The following SORCS3 variants were observed in gnomAD, a reference collection of about 807,000 sequenced individuals.
The protein encoded by SORCS3 is sortilin related VPS10 domain containing receptor 3.
A neutral mutation model predicts 146.3 loss-of-function variants in SORCS3; 57 were observed. That is an observed-to-expected ratio of 0.39 (90% CI 0.31 to 0.49). The LOEUF (loss-of-function observed/expected upper bound fraction) is 0.49, where lower values mean the gene tolerates loss of function less well. Ranked by LOEUF, SORCS3 falls within the 20% of genes least tolerant of loss-of-function variation. The probability of loss-of-function intolerance (pLI) is 0.92; values close to 1 mark genes in which losing one functional copy is unlikely to be tolerated. For missense variants in SORCS3, 1,341 were observed against 1,575.5 expected, an observed-to-expected ratio of 0.85 and a Z score of 2.52; for synonymous variants, 653 against 618.5, an observed-to-expected ratio of 1.06 and a Z score of -0.83.
chr10:105,027,723 T>A (rs1471844577), intron 4 of SORCS3, among the ~76,000 whole-genome samples: 1 of 152,210 alleles, frequency 6.6e-6, no homozygotes, highest in Non-Finnish European at 1.5e-5. Flanking sequence ...ATGGTCTATT[T>A]TGTGCCACAT....
At chr10:104,918,754 G>T (rs1340826720) in intron 3 of SORCS3, among the ~76,000 whole-genome samples, 3 of 152,160 alleles carry the variant, frequency 2.0e-5, no homozygotes, top group Non-Finnish European at 4.4e-5. Context: ...GCAAGAACTG[G>T]ATATTTGGTG....
At chr10:104,810,403 T>A (rs2017727277) in intron 1 of SORCS3, among the ~76,000 whole-genome samples, 1 of 152,228 alleles carries the variant, frequency 6.6e-6, no homozygotes, top group Admixed American at 6.5e-5. Context: ...TTTAAACACT[T>A]GTTAATGGTA....
Position 104,977,501 on chromosome 10 carries a change from A to C in SORCS3, c.954+8A>C. The C allele has an allele frequency of 6.3e-7, 1 of 1,591,206 alleles. No homozygotes were observed. Among genetic ancestry groups the C allele is most frequent in the South Asian group, 1.1e-5 (1 of 88,512 alleles). The stretch of plus-strand genomic sequence containing the variant: ...TACAGTTTGGATCAAAAGGTGAATA[A>C]ATACTATTTTCATTTACTTCTTGTC... On this transcript the variant is annotated splice_region_variant and intron_variant, in intron 4 of 26. Coordinates refer to ENST00000369701, the MANE Select transcript of SORCS3 (RefSeq NM_014978.3).
intron 14 of SORCS3, among the ~76,000 whole-genome samples, chr10:105,197,298 A>G (rs982459313): frequency 1.3e-5 from 2 of 152,206 alleles, no homozygotes; most frequent in Non-Finnish European, 2.9e-5. Flanking sequence ...TTTAGGAACT[A>G]TGAACCCCTT....
At chr10:104,801,760 C>A (rs1425815195) in intron 1 of SORCS3, among the ~76,000 whole-genome samples, 2 of 152,110 alleles carry the variant, frequency 1.3e-5, no homozygotes, top group African/African-American at 4.8e-5. Flanking sequence ...AATTCTTACA[C>A]CAAAATCTTA....
chr10:105,133,894 G>C (rs982182852), intron 7 of SORCS3, among the ~76,000 whole-genome samples: 1 of 152,094 alleles, frequency 6.6e-6, no homozygotes, highest in African/African-American at 2.4e-5. Context: ...GCAGGTCAAG[G>C]CTTCAGTGAA....
chr10:104,675,120 T>C (rs2015898857), intron 1 of SORCS3, among the ~76,000 whole-genome samples: 2 of 152,256 alleles, frequency 1.3e-5, no homozygotes, highest in Admixed American at 1.3e-4. Flanking sequence ...TCCTTGCCAA[T>C]GCCTAATTTT....
At chr10:104,870,970 C>A (rs1438003486) in intron 2 of SORCS3, among the ~76,000 whole-genome samples, 2 of 152,154 alleles carry the variant, frequency 1.3e-5, no homozygotes. Context: ...TACAGCCACA[C>A]AAAGCACAGG....
chr10:104,868,847 T>C (rs556598491), intron 2 of SORCS3, among the ~76,000 whole-genome samples: 34 of 152,348 alleles, frequency 2.2e-4, no homozygotes, highest in African/African-American at 7.5e-4. Flanking sequence ...GAAAATATCA[T>C]ATACCCAGTC....
At chr10:105,062,140 G>C (rs921063614) in intron 5 of SORCS3, among the ~76,000 whole-genome samples, 1 of 152,142 alleles carries the variant, frequency 6.6e-6, no homozygotes, top group Admixed American at 6.5e-5. Context: ...TACATGAATA[G>C]CAATAACAAT....
At chr10:105,078,733 A>G (rs1456326380) in intron 5 of SORCS3, among the ~76,000 whole-genome samples, 1 of 152,176 alleles carries the variant, frequency 6.6e-6, no homozygotes, top group East Asian at 1.9e-4. Context: ...ACATTTAATC[A>G]ATTAGTTCTC....
chr10:104,915,936 A>G lies in SORCS3; in HGVS notation c.795+4A>G, dbSNP rs955406034. The stretch of plus-strand genomic sequence containing the variant: ...CAATCCAACCAACAAAAGGAAGGTA[A>G]GAGACTGGGTCAGTAGGTCCTGAGC... On this transcript the variant is annotated splice_donor_region_variant and intron_variant, in intron 3 of 26. Coordinates refer to ENST00000369701, the MANE Select transcript of SORCS3 (RefSeq NM_014978.3). 6.2e-7 allele frequency: 1 copy of G among 1,611,692 alleles called. No homozygotes were observed. The highest frequency in any genetic ancestry group is 8.5e-7 in the Non-Finnish European group (1 of 1,177,782).
intron 9 of SORCS3, among the ~76,000 whole-genome samples, chr10:105,153,235 C>T (rs1341975803): frequency 6.6e-6 from 1 of 151,726 alleles, no homozygotes. Flanking sequence ...TTCAGTCTGA[C>T]TTTTTTTTGC....
chr10:105,195,175 C>T (rs2056537185), intron 14 of SORCS3, among the ~76,000 whole-genome samples: 1 of 152,056 alleles, frequency 6.6e-6, no homozygotes, highest in Admixed American at 6.6e-5. Context: ...ACTTTGTTCC[C>T]CCTGTAAAAG....
At chr10:105,254,296 T>A (rs1329420268) in intron 23 of SORCS3, among the ~76,000 whole-genome samples, 4 of 152,214 alleles carry the variant, frequency 2.6e-5, no homozygotes, top group Non-Finnish European at 5.9e-5. Context: ...ACAGAGCTAA[T>A]GATGGGTTGA....
At chr10:105,045,037 A>AAAAAAAAAAAAAAAAGAAAGAAAG (rs796179490) in intron 5 of SORCS3, among the ~76,000 whole-genome samples, 5 of 128,848 alleles carry the variant, frequency 3.9e-5, no homozygotes, top group African/African-American at 8.3e-5. Context: ...AAAAAAAAAA[A>AAAAAAAAAAAAAAAAGAAAGAAAG]AAAAGAAAGA....
intron 4 of SORCS3, among the ~76,000 whole-genome samples, chr10:105,042,340 G>A (rs1329346582): frequency 6.6e-6 from 1 of 152,116 alleles, no homozygotes; most frequent in Non-Finnish European, 1.5e-5. Flanking sequence ...ATTGTTGTAA[G>A]GCTTAAATGT....
intron 1 of SORCS3, among the ~76,000 whole-genome samples, chr10:104,827,706 C>T (rs1476732113): frequency 2.0e-5 from 3 of 152,172 alleles, no homozygotes; most frequent in East Asian, 1.9e-4. Flanking sequence ...GTTCTCCTCT[C>T]TAACTATGAA....
chr10:105,242,593 T>C (rs2056836918), intron 20 of SORCS3, among the ~76,000 whole-genome samples: 1 of 104,454 alleles, frequency 9.6e-6, no homozygotes. Flanking sequence ...TATATTTATA[T>C]ATGTTTATAT....
Sources: gnomAD v4.1 joint callset for allele counts (sites outside exome capture counted in the v4.1 genomes callset) on GRCh38, gnomAD v4.1.1 for gene constraint, MANE v1.5 for transcripts, NCBI Gene and HGNC (gene_info 2026-07-23, HGNC 2026-07-21) for gene names.